The following CNTFR variants were observed in gnomAD, a reference collection of about 807,000 sequenced individuals.
CNTFR encodes the protein ciliary neurotrophic factor receptor subunit alpha.
CNTFR carries 12 observed loss-of-function variants against 40.4 expected under a neutral mutation model. The ratio of observed to expected loss-of-function variants is 0.30; its 90% confidence interval spans 0.19 to 0.48. The LOEUF (loss-of-function observed/expected upper bound fraction) is 0.48. CNTFR is among the 20% of genes least tolerant of loss of function. The pLI, the probability that CNTFR is intolerant of heterozygous loss-of-function variation, is 0.99. For synonymous variants in CNTFR, 202 were observed against 209.6 expected, an observed-to-expected ratio of 0.96 and a Z score of 0.31; for missense variants, 414 against 506.8, an observed-to-expected ratio of 0.82 and a Z score of 1.76.
Position 34,557,109 on chromosome 9 carries a change from CA to C in CNTFR, c.604+416del, listed in dbSNP as rs1230350128. Among the ~76,000 whole-genome samples the C allele has an allele frequency of 4.5e-5, 5 of 111,672 alleles. No homozygotes were observed. The East Asian group carries it at 1.3e-3, about 28-fold the overall frequency. The allele number at this position is 111,672 out of a possible 152,430, so 73.3% of individuals were successfully genotyped here. A position where few individuals can be genotyped will look rare whatever the true frequency, so the allele number is the denominator to read the frequency against. The stretch of plus-strand genomic sequence containing the variant: ...AGGGTCTGGCTGGGATGGGGGGGGT[CA>C]GGGGGAGGGCAGTATCTGTCCCAGT... On this transcript the variant is annotated intron_variant, in intron 6 of 9. Transcript: ENST00000378980. This position sits in a 1 kb window ranked among gnomAD's most constrained non-coding sequence, Gnocchi z 4.2.
At chr9:34,571,964 G>C (rs373675135) in intron 2 of CNTFR, among the ~76,000 whole-genome samples, 2 of 152,148 alleles carry the variant, frequency 1.3e-5, no homozygotes, top group Admixed American at 6.5e-5. Context: ...AGAGAGAAGA[G>C]AGGAGACCCC....
At chr9:34,567,842 C>T (rs1826379310) in intron 3 of CNTFR, among the ~76,000 whole-genome samples, 1 of 152,214 alleles carries the variant, frequency 6.6e-6, no homozygotes, top group African/African-American at 2.4e-5. Flanking sequence ...TTCACACTCT[C>T]AGAGAGGTGG....
rs1564059252 is a variant in CNTFR, at chr9:34,557,790, G to A, written c.437+77C>T. On this transcript the variant is annotated intron_variant, in intron 5 of 9. Transcript: ENST00000378980. The surrounding 1 kb of genome is among the most constrained non-coding windows in gnomAD (Gnocchi z 4.2). ...AAGCCCAAGGCAGGGCTGGGGTATG[G>A]ACAGAGGGCATGGTGGTGGGATGGG... The A allele has an allele frequency of 1.3e-6, 2 of 1,560,732 alleles. No individual in the cohort carries two copies. The highest frequency in any genetic ancestry group is 2.3e-5 in the East Asian group (1 of 44,430).
chr9:34,555,935 G>A (rs1172700389), intron 7 of CNTFR, among the ~76,000 whole-genome samples: 248 of 20,050 alleles, frequency 0.012, 4 homozygotes, highest in African/African-American at 0.045. Flanking sequence ...TCCCTCCCCC[G>A]CCATCTCCCT....
intron 7 of CNTFR, among the ~76,000 whole-genome samples, chr9:34,555,891 T>C (rs1825811482): frequency 7.3e-6 from 1 of 137,762 alleles, no homozygotes; most frequent in Admixed American, 7.3e-5. Context: ...CTGCCCGCCA[T>C]CTCCCTCCCC....
chr9:34,552,662 G>T lies in CNTFR; in HGVS notation c.949+12C>A. 3 of 1,611,460 alleles carry T rather than the reference G, an allele frequency of 1.9e-6. No homozygotes were observed. The highest frequency in any genetic ancestry group is 2.2e-5 in the South Asian group (2 of 90,940). ...CAGCAAAGCCAGGAGGTAGGGGCGGGAGCAAGCTCACCCGCAGCCTGGGCC... is the reference window on the plus strand; with the variant it reads ...CAGCAAAGCCAGGAGGTAGGGGCGGTAGCAAGCTCACCCGCAGCCTGGGCC... On this transcript the variant is annotated intron_variant, in intron 8 of 9. Transcript: ENST00000378980. The surrounding 1 kb of genome is among the most constrained non-coding windows in gnomAD (Gnocchi z 5.1).
intron 7 of CNTFR, among the ~76,000 whole-genome samples, chr9:34,553,228 G>A (rs933122490): frequency 6.6e-6 from 1 of 152,136 alleles, no homozygotes; most frequent in Non-Finnish European, 1.5e-5. Context: ...GGTGGCAAGG[G>A]CAGGGGGTGA....
chr9:34,564,034 C>T lies in CNTFR; in HGVS notation c.319+565G>A, dbSNP rs1826176926. ...TTACATGCCCTCCCAGCCGCTGAGG[C>T]CTACGGTCACACCCAGCTCTCTGCC... is the stretch of plus-strand genomic sequence containing the variant. On this transcript the variant is annotated intron_variant, in intron 4 of 9. Transcript: ENST00000378980. Among the ~76,000 whole-genome samples, 2 of 152,186 alleles carry T rather than the reference C, an allele frequency of 1.3e-5. 1 individual carries two copies. Among genetic ancestry groups the T allele is most frequent in the South Asian group, 4.1e-4 (2 of 4,822 alleles).
At chr9:34,556,614 A>T (rs1825844797) in intron 6 of CNTFR, among the ~76,000 whole-genome samples, 196 bp from the exon 7 acceptor site, 3 of 152,108 alleles carry the variant, frequency 2.0e-5, no homozygotes, top group Admixed American at 1.3e-4. Flanking sequence ...TGATATCCCC[A>T]TCATCACTAA....
rs758780015 is a variant in CNTFR, at chr9:34,552,369, G to C, written c.950-40C>G. The C allele has an allele frequency of 1.3e-6, 2 of 1,516,706 alleles. No individual in the cohort carries two copies. The highest frequency in any genetic ancestry group is 2.9e-5 in the African/African-American group (2 of 70,136). The allele number at this position is 1,516,706 out of a possible 1,614,324, so 94.0% of individuals were successfully genotyped here. ...GGAAACTCAGGGCAAGGCCAGGGCT[G>C]GGTCCCATCCAGATCTGGGGGCTCA... On this transcript the variant is annotated intron_variant, in intron 8 of 9. Coordinates refer to ENST00000378980, the MANE Select transcript of CNTFR (RefSeq NM_147164.3). This position sits in a 1 kb window ranked among gnomAD's most constrained non-coding sequence, Gnocchi z 5.1.
chr9:34,583,042 TTAA>T (rs1827385060), intron 1 of CNTFR, among the ~76,000 whole-genome samples: 1 of 152,150 alleles, frequency 6.6e-6, no homozygotes, highest in African/African-American at 2.4e-5. Context: ...TTTCATCTGA[TTAA>T]TAATAAATGC....
At chr9:34,579,799 T>C (rs966965602) in intron 2 of CNTFR, among the ~76,000 whole-genome samples, 6 of 152,258 alleles carry the variant, frequency 3.9e-5, no homozygotes, top group South Asian at 2.1e-4. Context: ...CTTTGTTAAA[T>C]TAAAAAGCTG....
intron 3 of CNTFR, among the ~76,000 whole-genome samples, chr9:34,566,620 G>A (rs1054663543): frequency 1.3e-5 from 2 of 152,138 alleles, no homozygotes; most frequent in African/African-American, 4.8e-5. Context: ...CCCTAGCAGA[G>A]ACTTTGCATC....
At chr9:34,560,969 C>T (rs957265578) in intron 4 of CNTFR, among the ~76,000 whole-genome samples, 4 of 152,356 alleles carry the variant, frequency 2.6e-5, no homozygotes, top group Middle Eastern at 6.8e-3. Flanking sequence ...GAGGCCTGCC[C>T]GCCGGCCCAG....
intron 4 of CNTFR, among the ~76,000 whole-genome samples, chr9:34,558,728 C>G (rs1825951124): frequency 6.6e-6 from 1 of 152,154 alleles, no homozygotes; most frequent in Non-Finnish European, 1.5e-5. Context: ...TGCCAGCCCC[C>G]AGCATCTCCA....
intron 4 of CNTFR, among the ~76,000 whole-genome samples, chr9:34,563,994 C>T (rs549080480): frequency 5.9e-5 from 9 of 152,324 alleles, no homozygotes; most frequent in Middle Eastern, 3.4e-3. Flanking sequence ...ACATCAACAC[C>T]AGCCCAAGTG....
chr9:34,558,027 C>T, intron 4 of CNTFR, 43 bp from the exon 5 acceptor site: 1 of 1,405,830 alleles, frequency 7.1e-7, no homozygotes, highest in Non-Finnish European at 9.7e-7. Context: ...TTGGAGCTCC[C>T]AGTCCCCTGC....
Position 34,552,012 on chromosome 9 carries a change from T to C in CNTFR, c.*59A>G, listed in dbSNP as rs1223482916. ...AAAATAGAAACCGGGGTCTGCAGGC[T>C]CAGCTCCGGCCTCCTGCTCCTCTGC... On this transcript the variant is annotated 3_prime_UTR_variant, in exon 10 of 10. Coordinates refer to ENST00000378980, the MANE Select transcript of CNTFR (RefSeq NM_147164.3). This position sits in a 1 kb window ranked among gnomAD's most constrained non-coding sequence, Gnocchi z 5.1. 2.0e-6 allele frequency: 2 copies of C among 978,668 alleles called. No homozygotes were observed. Among genetic ancestry groups the C allele is most frequent in the East Asian group, 5.0e-5 (2 of 40,124 alleles). The allele number at this position is 978,668 out of a possible 1,614,324, so 60.6% of individuals were successfully genotyped here. A position where few individuals can be genotyped will look rare whatever the true frequency, so the allele number is the denominator to read the frequency against.
chr9:34,565,113 CAG>C (rs1365306562), intron 3 of CNTFR, among the ~76,000 whole-genome samples: 2 of 152,008 alleles, frequency 1.3e-5, no homozygotes, highest in East Asian at 1.9e-4. Flanking sequence ...TTGCATGTGA[CAG>C]AGAGTTTGCA....
Sources: gnomAD v4.1 joint callset for allele counts (sites outside exome capture counted in the v4.1 genomes callset) on GRCh38, gnomAD v4.1.1 for gene constraint, Gnocchi (gnomAD v3.1) non-coding constraint, MANE v1.5 for transcripts, NCBI Gene and HGNC (gene_info 2026-07-23, HGNC 2026-07-21) for gene names.